The following OC90 variants were observed in gnomAD, a reference collection of about 807,000 sequenced individuals.
OC90 encodes otoconin 90.
OC90 carries 46 observed loss-of-function variants against 47.3 expected under a neutral mutation model. The ratio of observed to expected loss-of-function variants is 0.97; its 90% CI spans 0.77 to 1.24. The LOEUF is 1.24. OC90 is among the 50% of genes most tolerant of loss of function. The probability of loss-of-function intolerance (pLI) is 0.00; values close to 1 mark genes in which losing one functional copy is unlikely to be tolerated. For missense variants in OC90, 688 were observed against 583.9 expected (o/e 1.18, Z -1.84); for synonymous variants, 271 against 219.5 (o/e 1.23, Z -2.07).
chr8:132,045,456 A>G (rs921428745), intron 3 of OC90, among the ~76,000 whole-genome samples: 4 of 152,218 alleles, frequency 2.6e-5, no homozygotes, highest in African/African-American at 9.7e-5. Flanking sequence ...AGCAAGCAAT[A>G]TATCATTTAT....
At chr8:132,048,595 C>A (rs546175821) in intron 2 of OC90, among the ~76,000 whole-genome samples, 1 of 151,724 alleles carries the variant, frequency 6.6e-6, no homozygotes, top group Non-Finnish European at 1.5e-5. Flanking sequence ...ACACCCTTAG[C>A]CACACTCTGC....
chr8:132,041,478 C>G (rs1286844157), intron 5 of OC90, 47 bp downstream of exon 5: 1 of 1,551,252 alleles, frequency 6.4e-7, no homozygotes, highest in Admixed American at 1.8e-5. Flanking sequence ...CCAGGCCTCC[C>G]ATGAGCTCAC....
intron 2 of OC90, among the ~76,000 whole-genome samples, chr8:132,049,565 C>T (rs935428267): frequency 6.6e-6 from 1 of 152,098 alleles, no homozygotes; most frequent in African/African-American, 2.4e-5. Context: ...ATCTCCCACC[C>T]TTTCATTCTC....
At chr8:132,059,045 C>G (rs549381071) in intron 1 of OC90, among the ~76,000 whole-genome samples, 3 of 151,254 alleles carry the variant, frequency 2.0e-5, no homozygotes, top group Non-Finnish European at 4.4e-5. Flanking sequence ...TCCCTCTTTC[C>G]CTCTCTCCCT....
chr8:132,054,999 G>A lies in OC90; in HGVS notation c.28C>T (p.Leu10=), dbSNP rs1472402640. Reference sequence around the variant, plus strand: ...TACTCACCGGCATGGGGGATCATCAGCACACTGGTGAGGAGAAACGCAATC... The same window carrying A: ...TACTCACCGGCATGGGGGATCATCAACACACTGGTGAGGAGAAACGCAATC... MIAFLLTSV[L]MIPHAGGHPL... Residue 10 remains leucine, a synonymous_variant, in exon 2 of 14, where the codon CTG becomes TTG. Transcript: ENST00000254627. The A allele has an allele frequency of 1.9e-6, 3 of 1,550,692 alleles. No individual in the cohort carries two copies. The highest frequency in any genetic ancestry group is 1.7e-6 in the Non-Finnish European group (2 of 1,146,570).
At chr8:132,025,451 C>G (rs986733046) in intron 13 of OC90, among the ~76,000 whole-genome samples, 1 of 152,162 alleles carries the variant, frequency 6.6e-6, no homozygotes, top group African/African-American at 2.4e-5. Flanking sequence ...TCTGAGGGTG[C>G]TAGACCAGTA....
Position 132,044,470 on chromosome 8 carries a change from C to T in OC90, c.132G>A (p.Gly44=), listed in dbSNP as rs1336928089. 1.3e-6 allele frequency: 2 copies of T among 1,558,306 alleles called. No individual in the cohort carries two copies. The change falls in exon 4 of 14, where the codon GGG becomes GGA. Residue 44 remains glycine, a synonymous_variant. Transcript: ENST00000254627. ...PNNINITFFS[G]MFKNVESVAE... is the part of the protein sequence containing the mutation. ...CCACACTTTCCACATTTTTAAACAT[C>T]CCACTGAAGAAAGTGATATCTAAGT...
At chr8:132,028,242 G>A (rs1822787363) in intron 13 of OC90, among the ~76,000 whole-genome samples, 1 of 152,098 alleles carries the variant, frequency 6.6e-6, no homozygotes, top group African/African-American at 2.4e-5. Context: ...GGTAGCTCAT[G>A]CCTGTAATCA....
At chr8:132,041,848 C>G (rs779727585) in intron 4 of OC90, 149 bp from the exon 5 acceptor site, 1 of 506,344 alleles carries the variant, frequency 2.0e-6, no homozygotes, top group Non-Finnish European at 3.5e-6. Context: ...TTAGACTAAG[C>G]CATCATCCCT....
At chr8:132,026,796 C>T (rs74415790) in intron 13 of OC90, among the ~76,000 whole-genome samples, 100 of 152,312 alleles carry the variant, frequency 6.6e-4, no homozygotes, top group African/African-American at 2.3e-3. Flanking sequence ...AAACCCTCCC[C>T]TGGCTCCTCA....
At chr8:132,044,382 C>T in intron 4 of OC90, 51 bp downstream of exon 4, 2 of 1,022,352 alleles carry the variant, frequency 2.0e-6, no homozygotes, top group South Asian at 2.7e-5. Context: ...TAGATTTGTC[C>T]ACACATGCTC....
chr8:132,033,167 G>C lies in OC90; in HGVS notation c.734-3C>G. ...TGTTGCAACTATCTCTGCAGATCCT[G>C]AAAATGAAAAACTTCATGATTCGGA... is the stretch of plus-strand genomic sequence containing the variant. On this transcript the variant is annotated splice_polypyrimidine_tract_variant and splice_region_variant and intron_variant, in intron 10 of 13. Transcript: ENST00000254627. The C allele has an allele frequency of 6.2e-7, 1 of 1,602,858 alleles. No individual in the cohort carries two copies.
chr8:132,037,484 A>T lies in OC90; in HGVS notation c.633T>A (p.Val211=). The part of the protein sequence containing the change: ...EDLTTLLPRV[V]PVEPTDTSLT... Reference sequence around the variant, plus strand: ...GGCTGGTGTCTGTGGGCTCCACAGGAACCACTGGAAAAAGAGAGTTCCCAA... The same window carrying T: ...GGCTGGTGTCTGTGGGCTCCACAGGTACCACTGGAAAAAGAGAGTTCCCAA... The change falls in exon 9 of 14, where the codon GTT becomes GTA. Residue 211 remains valine (V), a synonymous_variant. Coordinates refer to ENST00000254627, the MANE Select transcript of OC90 (RefSeq NM_001080399.3). 2 of 1,577,152 alleles carry T rather than the reference A, an allele frequency of 1.3e-6. No individual in the cohort carries two copies. The highest frequency in any genetic ancestry group is 1.7e-6 in the Non-Finnish European group (2 of 1,160,152).
chr8:132,052,720 T>C (rs1009441841), intron 2 of OC90, among the ~76,000 whole-genome samples: 8 of 152,168 alleles, frequency 5.3e-5, no homozygotes, highest in African/African-American at 1.9e-4. Flanking sequence ...CAGAATGACA[T>C]TGATTCTGAT....
intron 2 of OC90, among the ~76,000 whole-genome samples, chr8:132,050,673 A>G (rs1417841576): frequency 6.6e-6 from 1 of 152,166 alleles, no homozygotes; most frequent in Non-Finnish European, 1.5e-5. Flanking sequence ...GCCTGGCAAG[A>G]TGCTTCCAAA....
At chr8:132,036,271 A>T in intron 9 of OC90, 1 of 749,772 alleles carries the variant, frequency 1.3e-6, no homozygotes, top group South Asian at 1.4e-5. Flanking sequence ...TTCAGGTTCC[A>T]TTAAGAAGTG....
At position 132,037,467 on chromosome 8, in the gene OC90, T is replaced by C; in HGVS notation, c.650A>G (p.Asp217Gly). ...LPRVVPVEPT[D>G]TSLTALSGEE... The stretch of plus-strand genomic sequence containing the variant: ...TCCTGAAAGGGCTGTCAGGCTGGTG[T>C]CTGTGGGCTCCACAGGAACCACTGG... Residue 217 changes from aspartate to glycine, a missense_variant, in exon 9 of 14, where the codon GAC (aspartate) becomes GGC (glycine). Coordinates refer to ENST00000254627, the MANE Select transcript of OC90 (RefSeq NM_001080399.3). 1 of 1,582,064 alleles carries C rather than the reference T, an allele frequency of 6.3e-7. No individual in the cohort carries two copies. The highest frequency in any genetic ancestry group is 8.6e-7 in the Non-Finnish European group (1 of 1,162,784).
Position 132,031,865 on chromosome 8 carries a change from C to A in OC90, c.1031+16G>T, listed in dbSNP as rs767023303. On this transcript the variant is annotated intron_variant, in intron 12 of 13. Transcript: ENST00000254627. ...AGCACTACTACACCAGAGCTGTCAC[C>A]GCTGGCTCTCCATACCTGTCTAGGT... 6 of 1,611,446 alleles carry A rather than the reference C, an allele frequency of 3.7e-6. No individual in the cohort carries two copies.
chr8:132,024,262 A>G lies in OC90; in HGVS notation c.*219T>C, dbSNP rs1366604764. On this transcript the variant is annotated 3_prime_UTR_variant, in exon 14 of 14. Transcript: ENST00000254627. Reference sequence around the variant, plus strand: ...AGCTTCCACAGTGCACTAAAGGAGCATGGAGGTACCATGGTGTGCCTTCTC... The same window carrying G: ...AGCTTCCACAGTGCACTAAAGGAGCGTGGAGGTACCATGGTGTGCCTTCTC... 1 of 479,714 alleles carries G rather than the reference A, an allele frequency of 2.1e-6. No homozygotes were observed. Among genetic ancestry groups the G allele is most frequent in the East Asian group, 3.0e-5 (1 of 33,716 alleles). 29.7% of individuals were successfully genotyped at this position (479,714 alleles called of 1,614,324 possible). A position where few individuals can be genotyped will look rare whatever the true frequency, so the allele number is the denominator to read the frequency against.
Sources: allele counts gnomAD v4.1 joint callset (sites outside exome capture counted in the v4.1 genomes callset), GRCh38; gene constraint gnomAD v4.1.1; transcripts MANE v1.5; gene names NCBI Gene and HGNC (gene_info 2026-07-23, HGNC 2026-07-21).